Variants in CDC42BPB observed in about 807,000 individuals in gnomAD.
CDC42BPB encodes the protein CDC42 binding protein kinase beta, also known as serine/threonine-protein kinase MRCK beta.
CDC42BPB carries 37 observed loss-of-function variants against 214.9 expected under a neutral mutation model. That is an observed-to-expected ratio of 0.17 (90% CI 0.13 to 0.23). CDC42BPB has a LOEUF of 0.23. Ranked by LOEUF, CDC42BPB falls within the 10% of genes least tolerant of loss-of-function variation. The pLI is 1.00. For missense variants in CDC42BPB, 1,694 were observed against 2,227.0 expected (o/e 0.76, Z 4.82); for synonymous variants, 931 against 884.0 (o/e 1.05, Z -0.94).
At chr14:102,980,370 G>T (rs1018516547) in intron 8 of CDC42BPB, among the ~76,000 whole-genome samples, 2 of 152,172 alleles carry the variant, frequency 1.3e-5, no homozygotes, top group Admixed American at 6.5e-5. Flanking sequence ...GCGCATGCCT[G>T]TAATCTCAGC....
At chr14:102,977,885 C>T (rs1452590933) in intron 9 of CDC42BPB, among the ~76,000 whole-genome samples, 2 of 152,166 alleles carry the variant, frequency 1.3e-5, no homozygotes, top group African/African-American at 4.8e-5. Flanking sequence ...GGCCATGAAA[C>T]CTGAATTCTT....
chr14:102,998,282 GAAAA>G (rs780140388), intron 5 of CDC42BPB, among the ~76,000 whole-genome samples: 1 of 152,138 alleles, frequency 6.6e-6, no homozygotes, highest in Non-Finnish European at 1.5e-5. Context: ...AGCCAAAAAA[GAAAA>G]GAAAGAAATT....
At position 102,970,823 on chromosome 14, in the gene CDC42BPB, G is replaced by A. The variant is rs544683956; in HGVS notation, c.1885-562C>T. 2.6e-5 allele frequency among the ~76,000 whole-genome samples: 4 copies of A among 152,298 alleles called. No homozygotes were observed. The South Asian group carries it at 8.3e-4, about 32-fold the overall frequency. ...TGCCTGTAACTACAAATATATTTGGGTTGCAAAATAGACTAAGAAGAAAAC... is the reference window on the plus strand; with the variant it reads ...TGCCTGTAACTACAAATATATTTGGATTGCAAAATAGACTAAGAAGAAAAC... On this transcript the variant is annotated intron_variant, in intron 13 of 36. Coordinates refer to ENST00000361246, the MANE Select transcript of CDC42BPB (RefSeq NM_006035.4).
At chr14:102,942,970 G>C (rs1367152556) in intron 30 of CDC42BPB, among the ~76,000 whole-genome samples, 1 of 152,210 alleles carries the variant, frequency 6.6e-6, no homozygotes, top group Non-Finnish European at 1.5e-5. Context: ...CTGGGTTCAA[G>C]CGATTCTCCT....
intron 12 of CDC42BPB, among the ~76,000 whole-genome samples, chr14:102,973,668 T>G (rs1480676323): frequency 6.6e-6 from 1 of 152,196 alleles, no homozygotes; most frequent in East Asian, 1.9e-4. Flanking sequence ...ACGGCCACCA[T>G]GCCCTATCGA....
chr14:103,036,021 C>T lies in CDC42BPB; in HGVS notation c.175+20978G>A, dbSNP rs191460522. ...CAAAAATTAGCCAAGTGTGGTGGCA[C>T]GCACCTGTAGTACCAGCTACTGGGG... is the stretch of plus-strand genomic sequence containing the variant. On this transcript the variant is annotated intron_variant, in intron 1 of 36. Coordinates refer to ENST00000361246, the MANE Select transcript of CDC42BPB (RefSeq NM_006035.4). 4.7e-4 allele frequency among the ~76,000 whole-genome samples: 71 copies of T among 151,850 alleles called. 1 individual carries two copies. The East Asian group carries it at 0.01, about 22-fold the overall frequency.
At chr14:102,973,878 G>T in intron 12 of CDC42BPB, 138 bp downstream of exon 12, 2 of 1,107,390 alleles carry the variant, frequency 1.8e-6, no homozygotes, top group Non-Finnish European at 2.5e-6. Flanking sequence ...GGCCAGGCTT[G>T]GCCCTGGCGT....
At chr14:102,999,937 T>C in intron 4 of CDC42BPB, 1 of 981,808 alleles carries the variant, frequency 1.0e-6, no homozygotes, top group Non-Finnish European at 1.2e-6. Flanking sequence ...TGGACTTCAG[T>C]AAGTGATGTA....
chr14:102,971,757 G>T (rs1466395465), intron 13 of CDC42BPB, among the ~76,000 whole-genome samples, 162 bp downstream of exon 13: 1 of 152,192 alleles, frequency 6.6e-6, no homozygotes, highest in Non-Finnish European at 1.5e-5. Context: ...CAATATTGAG[G>T]AATGAGAACA....
At chr14:102,953,742 C>T (rs976991729) in intron 23 of CDC42BPB, among the ~76,000 whole-genome samples, 1 of 152,230 alleles carries the variant, frequency 6.6e-6, no homozygotes, top group Non-Finnish European at 1.5e-5. Flanking sequence ...CCAGGATGCA[C>T]TTGTGGAAAG....
chr14:102,961,111 G>A (rs1375997420), intron 20 of CDC42BPB, among the ~76,000 whole-genome samples: 3 of 152,066 alleles, frequency 2.0e-5, no homozygotes, highest in Admixed American at 6.6e-5. Context: ...AGGCTGCAGT[G>A]AACCCTGATC....
Position 102,947,097 on chromosome 14 carries a change from C to T in CDC42BPB, c.3532-413G>A, listed in dbSNP as rs140183047. Among the ~76,000 whole-genome samples, 58 of 152,348 alleles carry T rather than the reference C, an allele frequency of 3.8e-4. 1 individual carries two copies. In the East Asian group the frequency reaches 0.011, roughly 28 times the overall value. On this transcript the variant is annotated intron_variant, in intron 27 of 36. Coordinates refer to ENST00000361246, the MANE Select transcript of CDC42BPB (RefSeq NM_006035.4). ...AGCACGCATGCTACCAAATGACCATCGTTCCAGTAACAATGATGGTAATTT... is the reference window on the plus strand; with the variant it reads ...AGCACGCATGCTACCAAATGACCATTGTTCCAGTAACAATGATGGTAATTT...
chr14:102,941,232 ATGCAAGAG>A, intron 30 of CDC42BPB: 2 of 985,418 alleles, frequency 2.0e-6, no homozygotes, highest in Non-Finnish European at 2.4e-6. Context: ...CAAGCCCCAA[ATGCAAGAG>A]AGCTCCAGCT....
At position 102,933,875 on chromosome 14, in the gene CDC42BPB, C is replaced by T. The variant is rs35416106; in HGVS notation, c.5005-32G>A. On this transcript the variant is annotated intron_variant, in intron 36 of 36. Coordinates refer to ENST00000361246, the MANE Select transcript of CDC42BPB (RefSeq NM_006035.4). ...ACAGGAAGAGGGCAGGGTGAGCACC[C>T]GCTGCCCTAGCCTGGGGAGGCACGC... 471 of 1,485,748 alleles carry T rather than the reference C, an allele frequency of 3.2e-4. 2 individuals are homozygous for T. In the African/African-American group the frequency reaches 5.2e-3, roughly 16 times the overall value. 92.0% of individuals were successfully genotyped at this position (1,485,748 alleles called of 1,614,324 possible). A position where few individuals can be genotyped will look rare whatever the true frequency, so the allele number is the denominator to read the frequency against.
At chr14:102,987,577 C>A (rs1259306236) in intron 5 of CDC42BPB, among the ~76,000 whole-genome samples, 1 of 152,052 alleles carries the variant, frequency 6.6e-6, no homozygotes, top group Non-Finnish European at 1.5e-5. Flanking sequence ...CAGACGGGTA[C>A]CAACTCCCCC....
intron 14 of CDC42BPB, among the ~76,000 whole-genome samples, chr14:102,969,721 G>A (rs1235857624): frequency 6.6e-6 from 1 of 152,208 alleles, no homozygotes. Flanking sequence ...CTACCCTCCA[G>A]CCCCACCAGT....
Position 102,949,769 on chromosome 14 carries a change from G to A in CDC42BPB, c.3445C>T (p.Leu1149Phe), listed in dbSNP as rs763345731. The A allele has an allele frequency of 6.2e-7, 1 of 1,613,322 alleles. No individual in the cohort carries two copies. The highest frequency in any genetic ancestry group is 1.7e-5 in the Admixed American group (1 of 60,026). Residue 1149 changes from leucine (L) to phenylalanine (F), a missense_variant, in exon 26 of 37, where the codon CTC becomes TTC. Coordinates refer to ENST00000361246, the MANE Select transcript of CDC42BPB (RefSeq NM_006035.4). ...PGVIASQVLD[L>F]RDDEFSVSSV... ...CAGTGCTGCCCAAACGCAGACCTGA[G>A]ATCCAAGACTTGGCTCGCAATGACA...
At chr14:103,000,881 C>T (rs946618109) in intron 4 of CDC42BPB, among the ~76,000 whole-genome samples, 6 of 152,142 alleles carry the variant, frequency 3.9e-5, no homozygotes, top group African/African-American at 1.4e-4. Context: ...GGCCCGGGGT[C>T]TCCCAGCAAG....
intron 5 of CDC42BPB, among the ~76,000 whole-genome samples, chr14:102,992,891 A>G (rs1414471418): frequency 3.3e-5 from 5 of 151,676 alleles, no homozygotes; most frequent in African/African-American, 1.2e-4. Flanking sequence ...CAGTGACACA[A>G]TCTCAGCTCA....
Sources: allele counts gnomAD v4.1 joint callset (sites outside exome capture counted in the v4.1 genomes callset), GRCh38; gene constraint gnomAD v4.1.1; transcripts MANE v1.5; gene names NCBI Gene and HGNC (gene_info 2026-07-23, HGNC 2026-07-21).